Variants in ENTPD5 observed in about 807,000 individuals in gnomAD.
The protein encoded by ENTPD5 is ectonucleoside triphosphate diphosphohydrolase 5 (inactive).
In ENTPD5, 49 loss-of-function variants were observed where a neutral mutation model predicts 60.2. The observed-to-expected ratio is 0.81, with a 90% CI of 0.65 to 1.03. The LOEUF (loss-of-function observed/expected upper bound fraction) is 1.03, where lower values mean the gene tolerates loss of function less well. ENTPD5 is among the 50% of genes least tolerant of loss of function. ENTPD5 has a pLI of 0.00. For synonymous variants in ENTPD5, 187 were observed against 185.4 expected, an observed-to-expected ratio of 1.01 and a Z score of -0.07; for missense variants, 480 against 507.6, an observed-to-expected ratio of 0.95 and a Z score of 0.52.
rs184829327 is a variant in ENTPD5, at chr14:73,987,815, A to G, written c.217+71T>C. 6,614 of 1,400,836 alleles carry G rather than the reference A, an allele frequency of 4.7e-3. 26 individuals carry two copies. The highest frequency in any genetic ancestry group is 0.027 in the Middle Eastern group (154 of 5,624). 86.8% of individuals were successfully genotyped at this position (1,400,836 alleles called of 1,614,324 possible). A position where few individuals can be genotyped will look rare whatever the true frequency, so the allele number is the denominator to read the frequency against. ...GTAATTCACATAATAAACTCTCAGC[A>G]TATTTGTTTCTGGGAGGAGATGCTA... On this transcript the variant is annotated intron_variant, in intron 4 of 15. Transcript: ENST00000334696.
chr14:73,985,318 C>T (rs1274523834), intron 5 of ENTPD5, among the ~76,000 whole-genome samples: 2 of 152,166 alleles, frequency 1.3e-5, no homozygotes, highest in Non-Finnish European at 1.5e-5. Context: ...AATCACCACG[C>T]TGTCTTCCAC....
chr14:73,959,172 A>C (rs2056585285), downstream of ENTPD5: 1 of 1,614,058 alleles, frequency 6.2e-7, no homozygotes, highest in South Asian at 1.1e-5. Flanking sequence ...GCCACAGAAA[A>C]CAACGTAGCC....
rs1566738580 is a variant in ENTPD5 at position 73,987,842 on chromosome 14, A to C, written c.217+44T>G. ...ATTTGTTTCTGGGAGGAGATGCTAA[A>C]GTGTGGATTTACAGACTCTACTAAG... On this transcript the variant is annotated intron_variant, in intron 4 of 15. Coordinates refer to ENST00000334696, the MANE Select transcript of ENTPD5 (RefSeq NM_001249.5). 7 of 1,576,366 alleles carry C rather than the reference A, an allele frequency of 4.4e-6. No individual in the cohort carries two copies. The East Asian group carries it at 1.1e-4, about 25-fold the overall frequency.
At chr14:74,006,159 T>C (rs2058672680) in intron 3 of ENTPD5, among the ~76,000 whole-genome samples, 1 of 151,968 alleles carries the variant, frequency 6.6e-6, no homozygotes, top group Non-Finnish European at 1.5e-5. Flanking sequence ...CAGCAAATTT[T>C]GTATTTTTAG....
At chr14:73,990,603 C>T (rs887632471) in intron 3 of ENTPD5, among the ~76,000 whole-genome samples, 2 of 151,734 alleles carry the variant, frequency 1.3e-5, no homozygotes, top group Non-Finnish European at 2.9e-5. Context: ...TGCTGGGATT[C>T]CAGGCATGAG....
At chr14:74,001,468 C>T (rs999968214) in intron 3 of ENTPD5, among the ~76,000 whole-genome samples, 1 of 151,304 alleles carries the variant, frequency 6.6e-6, no homozygotes, top group Non-Finnish European at 1.5e-5. Context: ...CACCACTGCA[C>T]TCCAGCCTGG....
At chr14:74,001,419 G>A (rs780217477) in intron 3 of ENTPD5, among the ~76,000 whole-genome samples, 7 of 151,534 alleles carry the variant, frequency 4.6e-5, no homozygotes, top group South Asian at 2.1e-4. Context: ...GGAGAATGAC[G>A]TGAACCTGGG....
At position 73,988,685 on chromosome 14, in the gene ENTPD5, TCCCAG is replaced by T. The variant is rs557393537; in HGVS notation, c.-70-518_-70-514del. Among the ~76,000 whole-genome samples the T allele has an allele frequency of 8.5e-5, 13 of 152,290 alleles. No homozygotes were observed. The South Asian group carries it at 2.7e-3, about 32-fold the overall frequency. On this transcript the variant is annotated intron_variant, in intron 3 of 15. Transcript: ENST00000334696. The stretch of plus-strand genomic sequence containing the variant: ...TAATCTCTCCACACCCCACTAGCCT[TCCCAG>T]CCCCTCTGGTAACTGTCATTCTATT...
At chr14:73,991,919 A>G (rs2058151476) in intron 3 of ENTPD5, among the ~76,000 whole-genome samples, 1 of 151,644 alleles carries the variant, frequency 6.6e-6, no homozygotes, top group Non-Finnish European at 1.5e-5. Flanking sequence ...GAATCACTTG[A>G]ACCCGGGAGG....
At chr14:74,009,459 A>T (rs1284915181) in intron 3 of ENTPD5, among the ~76,000 whole-genome samples, 1 of 152,254 alleles carries the variant, frequency 6.6e-6, no homozygotes, top group African/African-American at 2.4e-5. Flanking sequence ...ATGTTAAATC[A>T]AAATGAAAAA....
At chr14:73,991,625 A>AAAAAAAAAAAAAAAAAAAAAAAAAAAAG (rs56259684) in intron 3 of ENTPD5, among the ~76,000 whole-genome samples, 1 of 127,968 alleles carries the variant, frequency 7.8e-6, no homozygotes, top group Non-Finnish European at 1.6e-5. Context: ...AAAAAAAAAA[A>AAAAAAAAAAAAAAAAAAAAAAAAAAAAG]ACAATTAGGG....
At chr14:73,959,631 G>A (rs1216914654), downstream of ENTPD5, 14 of 1,564,404 alleles carry the variant, frequency 8.9e-6, no homozygotes, top group African/African-American at 1.2e-4. Context: ...GCAGTGGCGC[G>A]ATCTTGGCTC....
chr14:73,975,324 A>C (rs2057394190), intron 10 of ENTPD5, among the ~76,000 whole-genome samples: 1 of 151,996 alleles, frequency 6.6e-6, no homozygotes, highest in African/African-American at 2.4e-5. Context: ...GAACCTCTGA[A>C]GGCCAGCTCA....
chr14:73,971,961 A>C, intron 13 of ENTPD5, 53 bp from the exon 14 acceptor site: 1 of 1,095,582 alleles, frequency 9.1e-7, no homozygotes. Context: ...AGGAAGCATA[A>C]GGAAATTCAT....
At chr14:73,975,831 A>G in intron 10 of ENTPD5, 105 bp downstream of exon 10, 6 of 977,552 alleles carry the variant, frequency 6.1e-6, no homozygotes, top group Non-Finnish European at 9.2e-6. Flanking sequence ...ATTGGCACAG[A>G]CTTTGTTTTT....
intron 3 of ENTPD5, among the ~76,000 whole-genome samples, chr14:74,005,565 C>T (rs968018757): frequency 1.1e-4 from 16 of 151,690 alleles, no homozygotes; most frequent in Admixed American, 2.6e-4. Context: ...CCCAGCACTT[C>T]GGGAGGCTGA....
At chr14:73,975,130 T>C in intron 10 of ENTPD5, 145 bp from the exon 11 acceptor site, 1 of 661,058 alleles carries the variant, frequency 1.5e-6, no homozygotes, top group South Asian at 1.9e-5. Flanking sequence ...TCTCCTGTGG[T>C]CAACAAGGGG....
Position 73,972,774 on chromosome 14 carries a change from G to A in ENTPD5, c.1027+110C>T, listed in dbSNP as rs191922997. On this transcript the variant is annotated intron_variant, in intron 13 of 15. Transcript: ENST00000334696. ...CCCTTTTGTTCGAGTGACTAGAAAA[G>A]AGGTGGGTAATCACCCCGACAAAGC... 51 of 1,262,948 alleles carry A rather than the reference G, an allele frequency of 4.0e-5. 1 individual carries two copies. In the East Asian group the frequency reaches 1.1e-3, roughly 28 times the overall value. 78.2% of individuals were successfully genotyped at this position (1,262,948 alleles called of 1,614,324 possible).
intron 3 of ENTPD5, among the ~76,000 whole-genome samples, chr14:74,002,230 A>C (rs968274473): frequency 1.3e-5 from 2 of 152,150 alleles, no homozygotes. Flanking sequence ...TCAAACCCAG[A>C]TGGTTTAATT....
Sources: allele counts gnomAD v4.1 joint callset (sites outside exome capture counted in the v4.1 genomes callset), GRCh38; gene constraint gnomAD v4.1.1; transcripts MANE v1.5; gene names NCBI Gene and HGNC (gene_info 2026-07-23, HGNC 2026-07-21).